The following LRMDA variants were observed in gnomAD, a reference collection of about 807,000 sequenced individuals.
LRMDA encodes leucine-rich melanocyte differentiation-associated protein.
LRMDA carries 18 observed loss-of-function variants against 29.8 expected under a neutral mutation model. The observed-to-expected ratio is 0.60, with a 90% CI of 0.42 to 0.90. The LOEUF (loss-of-function observed/expected upper bound fraction) is 0.90. Ranked by LOEUF, LRMDA falls within the 40% of genes least tolerant of loss-of-function variation. The pLI is 0.00. For synonymous variants in LRMDA, 125 were observed against 109.4 expected (o/e 1.14, Z -0.89); for missense variants, 273 against 273.9 (o/e 1.00, Z 0.02).
At chr10:75,539,817 C>T (rs919494402) in intron 2 of LRMDA, among the ~76,000 whole-genome samples, 1 of 151,846 alleles carries the variant, frequency 6.6e-6, no homozygotes, top group African/African-American at 2.4e-5. Flanking sequence ...TTCAAAAATG[C>T]TACATTTGCA....
chr10:76,225,129 G>A (rs1262716273), intron 5 of LRMDA, among the ~76,000 whole-genome samples: 11 of 152,106 alleles, frequency 7.2e-5, no homozygotes, highest in African/African-American at 1.9e-4. Context: ...TCCCCAGGCC[G>A]GGCACAGTGG....
intron 5 of LRMDA, among the ~76,000 whole-genome samples, chr10:76,112,846 C>A (rs147702416): frequency 5.3e-5 from 8 of 152,200 alleles, no homozygotes; most frequent in Non-Finnish European, 1.0e-4. Context: ...TCTCTTTTTT[C>A]TTTTTGCATT....
chr10:75,737,061 GCACA>G (rs148786283), intron 2 of LRMDA, among the ~76,000 whole-genome samples: 103 of 147,862 alleles, frequency 7.0e-4, no homozygotes, highest in East Asian at 3.9e-3. Context: ...ACGCACGCAC[GCACA>G]CACACACACA....
At chr10:75,680,919 G>A (rs1052734261) in intron 2 of LRMDA, among the ~76,000 whole-genome samples, 2 of 152,132 alleles carry the variant, frequency 1.3e-5, no homozygotes, top group African/African-American at 2.4e-5. Flanking sequence ...ATGTCCTTCT[G>A]CAATCTTCAG....
intron 6 of LRMDA, among the ~76,000 whole-genome samples, chr10:76,417,732 A>G (rs1348370022): frequency 4.6e-5 from 7 of 152,118 alleles, no homozygotes; most frequent in Admixed American, 2.6e-4. Flanking sequence ...TATGGTTAGT[A>G]TTTTTGAAGT....
In LRMDA at chr10:75,806,717, A is replaced by G. The variant is rs541861449; in HGVS notation, c.132-229291A>G. Among the ~76,000 whole-genome samples, 16 of 150,914 alleles carry G rather than the reference A, an allele frequency of 1.1e-4. No individual in the cohort carries two copies. The South Asian group carries it at 3.4e-3, about 32-fold the overall frequency. ...CCCTTACAAATTGCAGGCTACCTCA[A>G]TCACCTGTGATTACAGAACATGGTT... On this transcript the variant is annotated intron_variant, in intron 2 of 6. Transcript: ENST00000611255.
At chr10:76,292,538 G>A (rs921251105) in intron 5 of LRMDA, among the ~76,000 whole-genome samples, 1 of 152,164 alleles carries the variant, frequency 6.6e-6, no homozygotes, top group African/African-American at 2.4e-5. Context: ...TGCTCATGTT[G>A]TAGCCAGGAA....
intron 5 of LRMDA, among the ~76,000 whole-genome samples, chr10:76,062,911 C>G (rs1295029147): frequency 6.6e-6 from 1 of 152,080 alleles, no homozygotes; most frequent in East Asian, 1.9e-4. Flanking sequence ...AAACATAGAT[C>G]AAAGGGGTGC....
chr10:76,438,293 C>A (rs900489597), intron 6 of LRMDA, among the ~76,000 whole-genome samples: 2 of 152,154 alleles, frequency 1.3e-5, no homozygotes, highest in South Asian at 2.1e-4. Flanking sequence ...AGCTTTATGA[C>A]CCCAAAGAAT....
chr10:76,001,611 T>C (rs1847564174), intron 2 of LRMDA, among the ~76,000 whole-genome samples: 1 of 151,858 alleles, frequency 6.6e-6, no homozygotes, highest in African/African-American at 2.4e-5. Flanking sequence ...ATGAAATATT[T>C]ATTTAATTTA....
intron 2 of LRMDA, among the ~76,000 whole-genome samples, chr10:75,697,848 T>C (rs1842255599): frequency 7.1e-6 from 1 of 141,390 alleles, no homozygotes; most frequent in Admixed American, 7.0e-5. Flanking sequence ...TGTGTGTGTG[T>C]GTGCGTGTGT....
chr10:75,990,330 C>A (rs1019553983), intron 2 of LRMDA, among the ~76,000 whole-genome samples: 2 of 152,162 alleles, frequency 1.3e-5, no homozygotes, highest in Admixed American at 6.5e-5. Flanking sequence ...AAATGGGCCT[C>A]CAGAATTTGT....
intron 2 of LRMDA, among the ~76,000 whole-genome samples, chr10:75,951,245 G>A (rs1394729414): frequency 1.3e-5 from 2 of 152,228 alleles, no homozygotes; most frequent in Admixed American, 6.5e-5. Flanking sequence ...GAAGATTTAA[G>A]TAGTCACACA....
chr10:75,571,526 G>A (rs921456677), intron 2 of LRMDA, among the ~76,000 whole-genome samples: 8 of 152,120 alleles, frequency 5.3e-5, no homozygotes, highest in Admixed American at 1.3e-4. Context: ...CAACTCTGGC[G>A]GTTAAATCTG....
chr10:75,868,719 G>A (rs1424123416), intron 2 of LRMDA, among the ~76,000 whole-genome samples: 1 of 152,162 alleles, frequency 6.6e-6, no homozygotes, highest in Non-Finnish European at 1.5e-5. Context: ...GATGCTTGGT[G>A]TAACTGAAGG....
chr10:76,399,491 T>G (rs1841825101), intron 6 of LRMDA, among the ~76,000 whole-genome samples: 1 of 152,240 alleles, frequency 6.6e-6, no homozygotes, highest in African/African-American at 2.4e-5. Flanking sequence ...TCCATTTTCT[T>G]TATCCAATCA....
At chr10:75,948,585 A>C (rs1846519019) in intron 2 of LRMDA, among the ~76,000 whole-genome samples, 1 of 152,172 alleles carries the variant, frequency 6.6e-6, no homozygotes, top group African/African-American at 2.4e-5. Flanking sequence ...AGATGAGCGT[A>C]TGTTGGCGAC....
intron 5 of LRMDA, among the ~76,000 whole-genome samples, chr10:76,242,957 C>T (rs549167423): frequency 5.3e-5 from 8 of 152,254 alleles, no homozygotes; most frequent in African/African-American, 1.9e-4. Context: ...AGCTCTTCCA[C>T]GTTTAGACCC....
intron 2 of LRMDA, among the ~76,000 whole-genome samples, chr10:75,883,062 C>A (rs560740420): frequency 6.6e-6 from 1 of 152,258 alleles, no homozygotes; most frequent in Non-Finnish European, 1.5e-5. Context: ...ATGCACAATC[C>A]CCCAGGTCAG....
Sources: allele counts gnomAD v4.1 joint callset (sites outside exome capture counted in the v4.1 genomes callset), GRCh38; gene constraint gnomAD v4.1.1; transcripts MANE v1.5; gene names NCBI Gene and HGNC (gene_info 2026-07-23, HGNC 2026-07-21).